Variants in ZFPM1 observed in about 807,000 individuals in gnomAD.
ZFPM1 encodes the protein zinc finger protein, FOG family member 1.
A neutral mutation model predicts 46.3 loss-of-function variants in ZFPM1; 28 were observed. That is an observed-to-expected ratio of 0.60 (90% CI 0.45 to 0.83). ZFPM1 has a LOEUF of 0.83. Ranked by LOEUF, ZFPM1 falls within the 40% of genes least tolerant of loss-of-function variation. ZFPM1 has a pLI of 0.00. For synonymous variants in ZFPM1, 957 were observed against 675.9 expected, an observed-to-expected ratio of 1.42 and a Z score of -6.45; for missense variants, 1,878 against 1,432.4, an observed-to-expected ratio of 1.31 and a Z score of -5.02.
chr16:88,476,371 G>C lies in ZFPM1; in HGVS notation c.41-9568G>C, dbSNP rs558086846. Among the ~76,000 whole-genome samples the C allele has an allele frequency of 6.5e-4, 99 of 152,236 alleles. 1 individual carries two copies. Among genetic ancestry groups the C allele is most frequent in the African/African-American group, 2.1e-3 (89 of 41,544 alleles). Reference sequence around the variant, plus strand: ...ATTTGCTGGGTACCTACTGTGTGCCGGGCACCGTTCCAGATGCTGGGGGTG... The same window carrying C: ...ATTTGCTGGGTACCTACTGTGTGCCCGGCACCGTTCCAGATGCTGGGGGTG... On this transcript the variant is annotated intron_variant, in intron 1 of 9. Coordinates refer to ENST00000319555, the MANE Select transcript of ZFPM1 (RefSeq NM_153813.3).
intron 4 of ZFPM1, among the ~76,000 whole-genome samples, chr16:88,524,431 C>T (rs1393277659): frequency 6.6e-6 from 1 of 152,208 alleles, no homozygotes; most frequent in African/African-American, 2.4e-5. Context: ...TGCTCTGCGG[C>T]CCTGGGAATC....
chr16:88,525,993 C>T (rs1912285495), intron 4 of ZFPM1, among the ~76,000 whole-genome samples: 1 of 152,252 alleles, frequency 6.6e-6, no homozygotes, highest in Non-Finnish European at 1.5e-5. Context: ...CCTTCCCAGG[C>T]CTCAGTTTCC....
Position 88,534,030 on chromosome 16 carries a change from G to C in ZFPM1, c.2072G>C (p.Arg691Pro). 7.4e-7 allele frequency: 1 copy of C among 1,347,948 alleles called. No individual in the cohort carries two copies. Among genetic ancestry groups the C allele is most frequent in the South Asian group, 1.2e-5 (1 of 80,974 alleles). The allele number at this position is 1,347,948 out of a possible 1,614,324, so 83.5% of individuals were successfully genotyped here. A position where few individuals can be genotyped will look rare whatever the true frequency, so the allele number is the denominator to read the frequency against. ...ACGCTGTGCGAGGCCTGCAACATCC[G>C]CTTCAGCCGCCACGAGACCTACACC... is the stretch of plus-strand genomic sequence containing the variant. Reference protein sequence around the residue: ...SRTLCEACNIRFSRHETYTVH... With the variant: ...SRTLCEACNIPFSRHETYTVH... The change falls in exon 10 of 10, where the codon CGC becomes CCC. Residue 691 changes from arginine (R) to proline (P), a missense_variant. Physicochemically the swap from Arg to Pro is moderately radical, Grantham distance 103. Coordinates refer to ENST00000319555, the MANE Select transcript of ZFPM1 (RefSeq NM_153813.3).
chr16:88,527,568 C>G (rs1319086877), intron 5 of ZFPM1, among the ~76,000 whole-genome samples: 1 of 152,024 alleles, frequency 6.6e-6, no homozygotes, highest in Non-Finnish European at 1.5e-5. Context: ...GGACACACAG[C>G]CCGGGCGCCC....
chr16:88,533,963 C>T lies in ZFPM1; in HGVS notation c.2005C>T (p.Pro669Ser). ...GGRGSEGSQS[P>S]GSSVDDAEDD... is the part of the protein sequence containing the mutation. ...CCGGGGCAGCGAGGGCAGCCAGAGC[C>T]CGGGTAGCTCCGTGGACGACGCGGA... The change falls in exon 10 of 10, where the codon CCG (proline) becomes TCG (serine). Residue 669 changes from proline (P) to serine (S), a missense_variant. Physicochemically the swap from Pro to Ser is moderately conservative, Grantham distance 74 (BLOSUM62 -1). Coordinates refer to ENST00000319555, the MANE Select transcript of ZFPM1 (RefSeq NM_153813.3). 1 of 1,307,522 alleles carries T rather than the reference C, an allele frequency of 7.6e-7. No homozygotes were observed. Among genetic ancestry groups the T allele is most frequent in the Non-Finnish European group, 9.9e-7 (1 of 1,009,342 alleles). 81.0% of individuals were successfully genotyped at this position (1,307,522 alleles called of 1,614,324 possible). A position where few individuals can be genotyped will look rare whatever the true frequency, so the allele number is the denominator to read the frequency against.
intron 1 of ZFPM1, among the ~76,000 whole-genome samples, chr16:88,470,979 G>A (rs1045756065): frequency 8.5e-5 from 13 of 152,112 alleles, no homozygotes; most frequent in Non-Finnish European, 4.4e-5. Flanking sequence ...ACTGACCCAG[G>A]GCCCAGCTCA....
In ZFPM1 at chr16:88,501,188, C is replaced by T. The variant is rs113958257; in HGVS notation, c.268+12035C>T. The stretch of plus-strand genomic sequence containing the variant: ...AGATAGCAGACATGGGTGCGGGGGC[C>T]CTCCCGCAGGTGCTGGTGATGATGG... On this transcript the variant is annotated intron_variant, in intron 3 of 9. Transcript: ENST00000319555. Among the ~76,000 whole-genome samples, 142 of 93,814 alleles carry T rather than the reference C, an allele frequency of 1.5e-3. 4 individuals carry two copies. Among genetic ancestry groups the T allele is most frequent in the South Asian group, 3.0e-3 (7 of 2,342 alleles). The allele number at this position is 93,814 out of a possible 152,430, so 61.5% of individuals were successfully genotyped here. A position where few individuals can be genotyped will look rare whatever the true frequency, so the allele number is the denominator to read the frequency against.
chr16:88,526,860 G>A lies in ZFPM1; in HGVS notation c.449G>A (p.Arg150Lys), dbSNP rs1458393953. 2.5e-6 allele frequency: 4 copies of A among 1,576,248 alleles called. No individual in the cohort carries two copies. In the East Asian group the frequency reaches 9.3e-5, roughly 37 times the overall value. Residue 150 changes from arginine to lysine, a missense_variant, in exon 5 of 10, where the codon AGG becomes AAG. Physicochemically the swap from Arg to Lys is conservative, Grantham distance 26. Transcript: ENST00000319555. ...LLLVDEACWL[R>K]TLPQALTEAE... Reference sequence around the variant, plus strand: ...CTGGTGGACGAGGCCTGCTGGCTGAGGACGCTGCCCCAGGCCCTGACTGAG... The same window carrying A: ...CTGGTGGACGAGGCCTGCTGGCTGAAGACGCTGCCCCAGGCCCTGACTGAG...
chr16:88,497,257 G>GGCCCCAGCCCCA lies in ZFPM1; in HGVS notation c.268+8123_268+8134dup, dbSNP rs148805908. On this transcript the variant is annotated intron_variant, in intron 3 of 9. Coordinates refer to ENST00000319555, the MANE Select transcript of ZFPM1 (RefSeq NM_153813.3). This position sits in a 1 kb window ranked among gnomAD's most constrained non-coding sequence, Gnocchi z 5.4. ...GAGATGGGAGGGGCGGCAGGTGGAC[G>GGCCCCAGCCCCA]GCCCCAGCCCCAGCCCCAGCCCCAG... 9.2e-5 allele frequency among the ~76,000 whole-genome samples: 14 copies of GGCCCCAGCCCCA among 151,664 alleles called. No homozygotes were observed. The highest frequency in any genetic ancestry group is 1.9e-4 in the Non-Finnish European group (13 of 67,898).
At position 88,528,195 on chromosome 16, in the gene ZFPM1, G is replaced by T. The variant is rs370148785; in HGVS notation, c.669G>T (p.Gln223His). 14 of 1,610,128 alleles carry T rather than the reference G, an allele frequency of 8.7e-6. No homozygotes were observed. Among genetic ancestry groups the T allele is most frequent in the Non-Finnish European group, 1.2e-5 (14 of 1,179,428 alleles). ...CACACGACCTCCAGCTCCTGCCCCAGCAGGCCGGGATGGCCTCCATCCTTG... is the reference window on the plus strand; with the variant it reads ...CACACGACCTCCAGCTCCTGCCCCATCAGGCCGGGATGGCCTCCATCCTTG... ...APAHDLQLLP[Q>H]QAGMASILAT... The change falls in exon 6 of 10, where the codon CAG (glutamine) becomes CAT (histidine). Residue 223 changes from glutamine (Q) to histidine (H), a missense_variant. Coordinates refer to ENST00000319555, the MANE Select transcript of ZFPM1 (RefSeq NM_153813.3).
chr16:88,532,318 A>C, intron 7 of ZFPM1, 83 bp downstream of exon 7: 1 of 1,303,522 alleles, frequency 7.7e-7, no homozygotes, highest in South Asian at 1.4e-5. Context: ...GAAAACCCAC[A>C]TGCAAGCACA....
intron 3 of ZFPM1, among the ~76,000 whole-genome samples, chr16:88,498,607 G>A (rs933826803): frequency 2.0e-5 from 3 of 152,186 alleles, no homozygotes; most frequent in Admixed American, 1.3e-4. Context: ...AGGCAGAGCC[G>A]GCCTCGCTGA....
At chr16:88,457,757 C>A (rs910438844) in intron 1 of ZFPM1, among the ~76,000 whole-genome samples, 1 of 152,148 alleles carries the variant, frequency 6.6e-6, no homozygotes, top group Non-Finnish European at 1.5e-5. Flanking sequence ...TCCCAAAGCA[C>A]TGGGGTTCCA....
intron 4 of ZFPM1, among the ~76,000 whole-genome samples, chr16:88,523,816 G>A (rs1045774042): frequency 6.6e-6 from 1 of 152,282 alleles, no homozygotes; most frequent in Non-Finnish European, 1.5e-5. Context: ...GGCGGGTGCC[G>A]GATGGGAGCC....
rs1304469414 is a variant in ZFPM1, at chr16:88,534,860, C to G, written c.2902C>G (p.Leu968Val). The G allele has an allele frequency of 6.4e-7, 1 of 1,565,596 alleles. No homozygotes were observed. ...TCCCAGCAAGGGCACGCCGGCGCCG[C>G]TGCCCAACGGCAACCACCGGTACTG... The part of the protein sequence containing the change: ...QTPSKGTPAP[L>V]PNGNHRYCRL... The change falls in exon 10 of 10, where the codon CTG (leucine) becomes GTG (valine). Residue 968 changes from leucine (L) to valine (V), a missense_variant. Physicochemically the swap from Leu to Val is conservative, Grantham distance 32. Coordinates refer to ENST00000319555, the MANE Select transcript of ZFPM1 (RefSeq NM_153813.3).
At chr16:88,464,566 C>T (rs1193714853) in intron 1 of ZFPM1, among the ~76,000 whole-genome samples, 1 of 152,250 alleles carries the variant, frequency 6.6e-6, no homozygotes, top group Non-Finnish European at 1.5e-5. Context: ...CCCAGCTCCA[C>T]CAAAACCAAA....
rs144307959 is a variant in ZFPM1 at position 88,499,501 on chromosome 16, C to G, written c.268+10348C>G. 8.1e-3 allele frequency among the ~76,000 whole-genome samples: 1,227 copies of G among 152,272 alleles called. 9 individuals carry two copies. The highest frequency in any genetic ancestry group is 0.026 in the African/African-American group (1,078 of 41,558). ...CCGGCCCAGCTGACTTTGGGAGCAG[C>G]GAAGGGGCCAGGGGGCAGGCAGGAC... is the stretch of plus-strand genomic sequence containing the variant. On this transcript the variant is annotated intron_variant, in intron 3 of 9. Coordinates refer to ENST00000319555, the MANE Select transcript of ZFPM1 (RefSeq NM_153813.3).
chr16:88,526,693 C>T, intron 4 of ZFPM1, 121 bp from the exon 5 acceptor site: 1 of 1,088,466 alleles, frequency 9.2e-7, no homozygotes, highest in Admixed American at 2.3e-5. Context: ...CTGTCCACAG[C>T]TTGGCCTACC....
At chr16:88,518,765 AT>A (rs1567549029) in intron 4 of ZFPM1, among the ~76,000 whole-genome samples, 3 of 127,334 alleles carry the variant, frequency 2.4e-5, no homozygotes, top group African/African-American at 8.4e-5. Flanking sequence ...GGATGGATGG[AT>A]GGATGGATGA....
Sources: gnomAD v4.1 joint callset for allele counts (sites outside exome capture counted in the v4.1 genomes callset) on GRCh38, gnomAD v4.1.1 for gene constraint, Gnocchi (gnomAD v3.1) non-coding constraint, MANE v1.5 for transcripts, NCBI Gene and HGNC (gene_info 2026-07-23, HGNC 2026-07-21) for gene names.